PTPRT: variants seen among roughly 807,000 people sequenced by gnomAD.
PTPRT encodes the protein protein tyrosine phosphatase receptor type T, also known as receptor-type tyrosine-protein phosphatase T.
A neutral mutation model predicts 176.8 loss-of-function variants in PTPRT; 56 were observed. That is an observed-to-expected ratio of 0.32 (90% CI 0.26 to 0.40). The LOEUF (loss-of-function observed/expected upper bound fraction) is 0.40, where lower values mean the gene tolerates loss of function less well. Ranked by LOEUF, PTPRT falls within the 10% of genes least tolerant of loss-of-function variation. The pLI is 1.00. For missense variants in PTPRT, 1,540 were observed against 1,908.2 expected, an observed-to-expected ratio of 0.81 and a Z score of 3.60; for synonymous variants, 783 against 739.0, an observed-to-expected ratio of 1.06 and a Z score of -0.96.
chr20:42,465,869 C>A (rs988046891), intron 8 of PTPRT, among the ~76,000 whole-genome samples: 1 of 152,200 alleles, frequency 6.6e-6, no homozygotes, highest in East Asian at 1.9e-4. Context: ...ACCTATCAAC[C>A]CATCACCTAG....
intron 2 of PTPRT, among the ~76,000 whole-genome samples, chr20:42,870,953 T>C (rs2078834750): frequency 6.7e-6 from 1 of 148,318 alleles, no homozygotes; most frequent in Non-Finnish European, 1.5e-5. Flanking sequence ...TATTTTCTTT[T>C]CTTTTTTTTT....
chr20:42,921,675 C>T (rs8121056), intron 1 of PTPRT, among the ~76,000 whole-genome samples: 13 of 152,258 alleles, frequency 8.5e-5, no homozygotes, highest in South Asian at 2.1e-4. Flanking sequence ...TGCCTCAGAA[C>T]GAGACAAAAG....
At chr20:42,782,995 T>C (rs1056964626) in intron 3 of PTPRT, among the ~76,000 whole-genome samples, 1 of 152,234 alleles carries the variant, frequency 6.6e-6, no homozygotes, top group Non-Finnish European at 1.5e-5. Flanking sequence ...ATGTATTTCC[T>C]AGATACATGT....
At chr20:42,524,253 T>C (rs994712205) in intron 7 of PTPRT, among the ~76,000 whole-genome samples, 2 of 152,224 alleles carry the variant, frequency 1.3e-5, no homozygotes, top group Non-Finnish European at 2.9e-5. Context: ...CACTGATTTT[T>C]GCATAGTAGG....
chr20:42,630,927 C>T (rs955011728), intron 7 of PTPRT, among the ~76,000 whole-genome samples: 1 of 152,102 alleles, frequency 6.6e-6, no homozygotes, highest in Non-Finnish European at 1.5e-5. Flanking sequence ...GTCTCTTCTA[C>T]CATGGTGAGT....
At chr20:42,441,396 T>C (rs1483088035) in intron 9 of PTPRT, among the ~76,000 whole-genome samples, 2 of 152,024 alleles carry the variant, frequency 1.3e-5, no homozygotes, top group Non-Finnish European at 2.9e-5. Context: ...CTGGGTGAGC[T>C]TGGGAAATGC....
At chr20:42,890,394 C>T (rs1381150503) in intron 1 of PTPRT, among the ~76,000 whole-genome samples, 2 of 152,190 alleles carry the variant, frequency 1.3e-5, no homozygotes, top group Non-Finnish European at 2.9e-5. Flanking sequence ...ACCTGTTGGG[C>T]TCATATCCCT....
At chr20:42,794,391 G>T (rs886576737) in intron 2 of PTPRT, among the ~76,000 whole-genome samples, 1 of 152,198 alleles carries the variant, frequency 6.6e-6, no homozygotes, top group African/African-American at 2.4e-5. Context: ...CTGGGAGCTT[G>T]TGAGAAACAA....
intron 7 of PTPRT, among the ~76,000 whole-genome samples, chr20:42,654,518 C>A (rs115234552): frequency 6.6e-6 from 1 of 152,068 alleles, no homozygotes; most frequent in Non-Finnish European, 1.5e-5. Context: ...ACTATTCAAG[C>A]GGATGGTTAC....
intron 7 of PTPRT, among the ~76,000 whole-genome samples, chr20:42,521,434 G>A (rs74857711): frequency 1.3e-5 from 2 of 152,202 alleles, no homozygotes; most frequent in East Asian, 1.9e-4. Context: ...TCAATACTAC[G>A]TCCATTTATT....
At chr20:42,324,885 C>T (rs1445181281) in intron 11 of PTPRT, among the ~76,000 whole-genome samples, 3 of 152,160 alleles carry the variant, frequency 2.0e-5, no homozygotes, top group Non-Finnish European at 4.4e-5. Flanking sequence ...AGGAGGTGTA[C>T]ATTCGGCAGA....
intron 7 of PTPRT, among the ~76,000 whole-genome samples, chr20:42,524,704 A>C (rs971681645): frequency 2.0e-5 from 3 of 152,152 alleles, no homozygotes; most frequent in African/African-American, 7.2e-5. Context: ...TCTCACTTTG[A>C]ATATTGTCCC....
chr20:42,589,094 T>C (rs958286314), intron 7 of PTPRT, among the ~76,000 whole-genome samples: 4 of 152,200 alleles, frequency 2.6e-5, no homozygotes, highest in African/African-American at 9.6e-5. Context: ...GGAAGAAACA[T>C]GCCCTGGATC....
chr20:42,730,474 T>C (rs538556179), intron 6 of PTPRT, among the ~76,000 whole-genome samples: 1 of 152,242 alleles, frequency 6.6e-6, no homozygotes, highest in East Asian at 1.9e-4. Flanking sequence ...GCCAAGAGAC[T>C]TTCTCATTTT....
intron 11 of PTPRT, among the ~76,000 whole-genome samples, chr20:42,338,819 A>C (rs1177257404): frequency 6.6e-6 from 1 of 152,200 alleles, no homozygotes; most frequent in Non-Finnish European, 1.5e-5. Flanking sequence ...TCAGAGGCAC[A>C]CTGAAAGTTT....
At chr20:42,271,024 T>G (rs551781850) in intron 13 of PTPRT, among the ~76,000 whole-genome samples, 3 of 152,340 alleles carry the variant, frequency 2.0e-5, no homozygotes, top group African/African-American at 7.2e-5. Flanking sequence ...TGTCGTCTGG[T>G]CTCTCTGCCT....
At chr20:42,217,388 C>CACACAG in intron 15 of PTPRT, among the ~76,000 whole-genome samples, 1 of 122,806 alleles carries the variant, frequency 8.1e-6, no homozygotes, top group African/African-American at 3.9e-5. Flanking sequence ...CACACACACA[C>CACACAG]ACACACACAC....
At chr20:42,635,200 G>T (rs1160314719) in intron 7 of PTPRT, among the ~76,000 whole-genome samples, 1 of 151,938 alleles carries the variant, frequency 6.6e-6, no homozygotes, top group East Asian at 1.9e-4. Context: ...ATGGATGGAT[G>T]ATAAACTTTG....
intron 7 of PTPRT, among the ~76,000 whole-genome samples, chr20:42,578,902 T>TGGGG (rs758448014): frequency 1.4e-5 from 2 of 139,730 alleles, no homozygotes; most frequent in African/African-American, 5.6e-5. Flanking sequence ...TTTTTTTTTT[T>TGGGG]GGGGGGGGGT....
Sources: allele counts gnomAD v4.1 joint callset (sites outside exome capture counted in the v4.1 genomes callset), GRCh38; gene constraint gnomAD v4.1.1; transcripts MANE v1.5; gene names NCBI Gene and HGNC (gene_info 2026-07-23, HGNC 2026-07-21).